The following SYNJ2 variants were observed in gnomAD, a reference collection of about 807,000 sequenced individuals.
SYNJ2 encodes the protein polyphosphatidylinositol phosphatase SYNJ2.
A neutral mutation model predicts 141.3 loss-of-function variants in SYNJ2; 116 were observed. That is an observed-to-expected ratio of 0.82 (90% CI 0.71 to 0.96). The LOEUF (loss-of-function observed/expected upper bound fraction) is 0.96. SYNJ2 is among the 40% of genes least tolerant of loss of function. SYNJ2 has a pLI of 0.00. For missense variants in SYNJ2, 1,873 were observed against 1,934.8 expected, an observed-to-expected ratio of 0.97 and a Z score of 0.60; for synonymous variants, 745 against 777.7, an observed-to-expected ratio of 0.96 and a Z score of 0.70.
intron 1 of SYNJ2, among the ~76,000 whole-genome samples, chr6:157,990,628 G>C (rs1234460380): frequency 6.6e-6 from 1 of 152,150 alleles, no homozygotes; most frequent in African/African-American, 2.4e-5. Context: ...GCGGAGGACC[G>C]GGCTGCTCCA....
In SYNJ2 at chr6:158,073,046, G is replaced by A. The variant is rs1175345860; in HGVS notation, c.2133+1252G>A. Reference sequence around the variant, plus strand: ...GATCGCACCACTACACTCCAGCCTCGGCAACAGAGCGAGACTCTGTCTAAA... The same window carrying A: ...GATCGCACCACTACACTCCAGCCTCAGCAACAGAGCGAGACTCTGTCTAAA... On this transcript the variant is annotated intron_variant, in intron 15 of 26. Coordinates refer to ENST00000355585, the MANE Select transcript of SYNJ2 (RefSeq NM_003898.4). Among the ~76,000 whole-genome samples, 6 of 144,782 alleles carry A rather than the reference G, an allele frequency of 4.1e-5. 1 individual carries two copies. In the South Asian group the frequency reaches 9.1e-4, roughly 22 times the overall value. 95.0% of individuals were successfully genotyped at this position (144,782 alleles called of 152,430 possible). A position where few individuals can be genotyped will look rare whatever the true frequency, so the allele number is the denominator to read the frequency against.
At chr6:158,065,729 G>A (rs73795217) in intron 11 of SYNJ2, among the ~76,000 whole-genome samples, 189 of 152,314 alleles carry the variant, frequency 1.2e-3, no homozygotes, top group African/African-American at 4.4e-3. Context: ...TTTGGCTTCC[G>A]ATAGGCACGG....
chr6:158,085,035 T>C (rs553990250), intron 22 of SYNJ2, among the ~76,000 whole-genome samples: 1 of 151,634 alleles, frequency 6.6e-6, no homozygotes, highest in South Asian at 2.1e-4. Context: ...TTTTTTTTTT[T>C]TTTTGAGACA....
Position 158,086,884 on chromosome 6 carries a change from G to A in SYNJ2, c.3238G>A (p.Glu1080Lys), listed in dbSNP as rs779078120. The A allele has an allele frequency of 6.2e-6, 10 of 1,611,282 alleles. No homozygotes were observed. The Admixed American group carries it at 1.3e-4, about 21-fold the overall frequency. The change falls in exon 23 of 27, where the codon GAG becomes AAG. Residue 1080 changes from glutamate to lysine, a missense_variant. By Grantham distance (56) the Glu-to-Lys change is moderately conservative. Coordinates refer to ENST00000355585, the MANE Select transcript of SYNJ2 (RefSeq NM_003898.4). ...CGCGGACCTGGTGGAGCTCAAGCGG[G>A]AGCTGGAAGCCGTCGGGGAGTTCCG... The part of the protein sequence containing the change: ...DDADLVELKR[E>K]LEAVGEFRHR...
At chr6:157,999,550 A>G (rs1425283757) in intron 1 of SYNJ2, among the ~76,000 whole-genome samples, 4 of 152,224 alleles carry the variant, frequency 2.6e-5, no homozygotes, top group African/African-American at 9.6e-5. Flanking sequence ...CTTGAGACAC[A>G]GGCCCAGGGA....
chr6:157,987,043 G>A (rs1251532490), intron 1 of SYNJ2, among the ~76,000 whole-genome samples: 2 of 151,946 alleles, frequency 1.3e-5, no homozygotes, highest in East Asian at 3.9e-4. Flanking sequence ...TGGGAGTGCT[G>A]TGGCACAATC....
At chr6:157,995,502 C>A (rs760468737) in intron 1 of SYNJ2, among the ~76,000 whole-genome samples, 1 of 152,158 alleles carries the variant, frequency 6.6e-6, no homozygotes, top group African/African-American at 2.4e-5. Flanking sequence ...ATTTTGAGTG[C>A]GGAGGATAGG....
chr6:158,057,588 G>T (rs1780946501), intron 6 of SYNJ2, among the ~76,000 whole-genome samples: 1 of 152,236 alleles, frequency 6.6e-6, no homozygotes, highest in Non-Finnish European at 1.5e-5. Context: ...TTGGGGTTGG[G>T]ACAGCATAGA....
chr6:157,991,397 T>C (rs1278912565), intron 1 of SYNJ2, among the ~76,000 whole-genome samples: 4 of 152,194 alleles, frequency 2.6e-5, no homozygotes, highest in Non-Finnish European at 5.9e-5. Flanking sequence ...CCTGCCGTTC[T>C]AACAAGCTCC....
At chr6:158,001,391 CTTTTTTTTTTT>C (rs1008483496) in intron 1 of SYNJ2, 2 of 110,070 alleles carry the variant, frequency 1.8e-5, no homozygotes, top group African/African-American at 3.6e-5. Context: ...TGAGAACTTT[CTTTTTTTTTTT>C]TTTTTTTTTT....
intron 1 of SYNJ2, among the ~76,000 whole-genome samples, chr6:158,009,982 T>G (rs1381210859): frequency 6.6e-6 from 1 of 152,234 alleles, no homozygotes; most frequent in Non-Finnish European, 1.5e-5. Flanking sequence ...AGTGGTACAA[T>G]CACAGCTCAC....
At chr6:157,992,405 T>TTC (rs1383069502) in intron 1 of SYNJ2, among the ~76,000 whole-genome samples, 2 of 67,004 alleles carry the variant, frequency 3.0e-5, no homozygotes, top group African/African-American at 1.8e-4. Context: ...TTGTTTCTTT[T>TTC]TTTTTTTTTT....
At chr6:158,074,412 G>C (rs1328079554) in intron 15 of SYNJ2, among the ~76,000 whole-genome samples, 168 bp from the exon 16 acceptor site, 1 of 152,132 alleles carries the variant, frequency 6.6e-6, no homozygotes, top group African/African-American at 2.4e-5. Context: ...TTCCTCCATA[G>C]TTTTATGGGA....
At chr6:158,077,905 T>C in intron 17 of SYNJ2, 1 of 269,200 alleles carries the variant, frequency 3.7e-6, no homozygotes, top group Non-Finnish European at 7.2e-6. Context: ...CAACACTGTG[T>C]CTCAAGCCTA....
In SYNJ2 at chr6:158,071,832, T is replaced by G; in HGVS notation, c.2133+38T>G. 6.3e-7 allele frequency: 1 copy of G among 1,598,072 alleles called. No homozygotes were observed. Among genetic ancestry groups the G allele is most frequent in the Non-Finnish European group, 8.5e-7 (1 of 1,173,768 alleles). On this transcript the variant is annotated intron_variant, in intron 15 of 26. Coordinates refer to ENST00000355585, the MANE Select transcript of SYNJ2 (RefSeq NM_003898.4). The surrounding 1 kb of genome is among the most constrained non-coding windows in gnomAD (Gnocchi z 4.3). ...GTGGGGACAGCCAGCACCTCCCTGCTCAGCTCAGTCCCAAATGTGACTGTT... is the reference window on the plus strand; with the variant it reads ...GTGGGGACAGCCAGCACCTCCCTGCGCAGCTCAGTCCCAAATGTGACTGTT...
intron 4 of SYNJ2, among the ~76,000 whole-genome samples, chr6:158,038,123 C>A (rs1380936413): frequency 6.6e-6 from 1 of 152,198 alleles, no homozygotes; most frequent in Non-Finnish European, 1.5e-5. Context: ...CCTTCCAGCT[C>A]CTGGGGTACA....
chr6:157,986,394 C>A (rs113398637), intron 1 of SYNJ2, among the ~76,000 whole-genome samples: 38 of 152,298 alleles, frequency 2.5e-4, no homozygotes, highest in Middle Eastern at 3.4e-3. Context: ...AGTACAATGG[C>A]GCAATCTTGG....
At chr6:158,069,733 G>A (rs1446410047) in intron 14 of SYNJ2, 60 bp downstream of exon 14, 3 of 1,516,076 alleles carry the variant, frequency 2.0e-6, no homozygotes, top group Admixed American at 1.9e-5. Flanking sequence ...TTTGTGTTTT[G>A]TTCTTTGACT....
At position 158,059,287 on chromosome 6, in the gene SYNJ2, G is replaced by A; in HGVS notation, c.888G>A (p.Gly296=). ...TGGTGCTTCTGAAGGAGCAGTACGG[G>A]CAGCAGGTGGTCGTGAACCTTCTGG... is the stretch of plus-strand genomic sequence containing the variant. ...RHMVLLKEQY[G]QQVVVNLLGS... Residue 296 remains glycine, a synonymous_variant, in exon 7 of 27, where the codon GGG becomes GGA. Coordinates refer to ENST00000355585, the MANE Select transcript of SYNJ2 (RefSeq NM_003898.4). 6 of 1,550,516 alleles carry A rather than the reference G, an allele frequency of 3.9e-6. No homozygotes were observed. The highest frequency in any genetic ancestry group is 5.2e-6 in the Non-Finnish European group (6 of 1,146,836).
Sources: gnomAD v4.1 joint callset for allele counts (sites outside exome capture counted in the v4.1 genomes callset) on GRCh38, gnomAD v4.1.1 for gene constraint, Gnocchi (gnomAD v3.1) non-coding constraint, MANE v1.5 for transcripts, NCBI Gene and HGNC (gene_info 2026-07-23, HGNC 2026-07-21) for gene names.